The following OXNAD1 variants were observed in gnomAD, a reference collection of about 807,000 sequenced individuals.
OXNAD1 encodes oxidoreductase NAD-binding domain-containing protein 1.
A neutral mutation model predicts 32.9 loss-of-function variants in OXNAD1; 34 were observed. The ratio of observed to expected loss-of-function variants is 1.03; its 90% CI spans 0.79 to 1.38. The LOEUF is 1.38. Among genes scored for constraint, OXNAD1 ranks in the 40% most tolerant of loss-of-function variants. The pLI is 0.00. For synonymous variants in OXNAD1, 134 were observed against 135.2 expected (o/e 0.99, Z 0.06); for missense variants, 407 against 379.4 (o/e 1.07, Z -0.60).
rs1169378380 is a variant in OXNAD1 at position 16,317,778 on chromosome 3, C to T, written c.*30+14186C>T. Among the ~76,000 whole-genome samples, 1 of 152,142 alleles carries T rather than the reference C, an allele frequency of 6.6e-6. No homozygotes were observed. The highest frequency in any genetic ancestry group is 1.5e-5 in the Non-Finnish European group (1 of 68,034). ...GCCCGCTCCCCAGCTAGGCCGATAGCCCTTTGCTGACCACCACCTCACAGA... is the reference window on the plus strand; with the variant it reads ...GCCCGCTCCCCAGCTAGGCCGATAGTCCTTTGCTGACCACCACCTCACAGA... On this transcript the variant is annotated intron_variant, in intron 9 of 9. Coordinates refer to the OXNAD1 transcript ENST00000435829. The surrounding 1 kb of genome is among the most constrained non-coding windows in gnomAD (Gnocchi z 4.3).
At chr3:16,286,885 GAA>G (rs1205660849) in intron 5 of OXNAD1, among the ~76,000 whole-genome samples, 2 of 152,182 alleles carry the variant, frequency 1.3e-5, no homozygotes, top group Non-Finnish European at 2.9e-5. Context: ...ATCCTGAAGA[GAA>G]GAGGAACTAG....
rs146348292 is a variant in OXNAD1, at chr3:16,327,621, C to A, written c.*31-9491C>A. Among the ~76,000 whole-genome samples the A allele has an allele frequency of 0.03, 4,581 of 152,070 alleles. 107 individuals are homozygous for A. Among genetic ancestry groups the A allele is most frequent in the Middle Eastern group, 0.082 (24 of 294 alleles). The stretch of plus-strand genomic sequence containing the variant: ...AAAAATACAAAAAAAATTAGCCAGG[C>A]CTGGTGGCGGGCGCCTGTAGTCCCA... On this transcript the variant is annotated intron_variant, in intron 9 of 9. Transcript: ENST00000435829. The surrounding 1 kb of genome is among the most constrained non-coding windows in gnomAD (Gnocchi z 4.2).
rs894832508 is a variant in OXNAD1 at position 16,342,923 on chromosome 3, T to A, written c.*31-6253T>A. Among the ~76,000 whole-genome samples the A allele has an allele frequency of 5.3e-5, 8 of 152,164 alleles. No homozygotes were observed. The highest frequency in any genetic ancestry group is 1.9e-4 in the African/African-American group (8 of 41,430). On this transcript the variant is annotated intron_variant, in intron 9 of 9. Transcript: ENST00000606098. The surrounding 1 kb of genome is among the most constrained non-coding windows in gnomAD (Gnocchi z 4.0). ...GTCTCGATCTCAGCTCACTGCAGCC[T>A]CAACCTCCCAGGCTCAAGTGAGCCT...
At chr3:16,274,836 T>C (rs2065207772) in intron 4 of OXNAD1, among the ~76,000 whole-genome samples, 1 of 152,218 alleles carries the variant, frequency 6.6e-6, no homozygotes, top group Admixed American at 6.5e-5. Context: ...TTAACTTTAA[T>C]TTGGAAAATT....
intron 9 of OXNAD1, among the ~76,000 whole-genome samples, chr3:16,328,713 G>A (rs1358424486): frequency 2.0e-5 from 3 of 152,188 alleles, no homozygotes; most frequent in African/African-American, 7.2e-5. Context: ...AACTCCGGGA[G>A]TAGGGCCCCG....
chr3:16,319,531 C>T (rs1377012723), intron 9 of OXNAD1, among the ~76,000 whole-genome samples: 1 of 152,176 alleles, frequency 6.6e-6, no homozygotes, highest in Non-Finnish European at 1.5e-5. Context: ...TGCTGTTGTG[C>T]AGTGTACAAC....
rs192676901 is a variant in OXNAD1, at chr3:16,299,306, C to A, written c.433-2320C>A. On this transcript the variant is annotated intron_variant, in intron 6 of 8. Coordinates refer to ENST00000285083, the MANE Select transcript of OXNAD1 (RefSeq NM_138381.5). The surrounding 1 kb of genome is among the most constrained non-coding windows in gnomAD (Gnocchi z 4.4). ...GGCAGAGCCTCTTGTATCTTAAATT[C>A]TATTTTTGAGACTTGAAAGGAAAGA... 6.6e-6 allele frequency among the ~76,000 whole-genome samples: 1 copy of A among 152,174 alleles called. No individual in the cohort carries two copies.
At position 16,345,786 on chromosome 3, in the gene OXNAD1, C is replaced by CTGTGTGTGTGTGTG. The variant is rs1553726059; in HGVS notation, c.*31-3389_*31-3388insGTGTGTGTGTGTGT. Among the ~76,000 whole-genome samples, 1 of 81,554 alleles carries CTGTGTGTGTGTGTG rather than the reference C, an allele frequency of 1.2e-5. No homozygotes were observed. Among genetic ancestry groups the CTGTGTGTGTGTGTG allele is most frequent in the African/African-American group, 5.4e-5 (1 of 18,506 alleles). The allele number at this position is 81,554 out of a possible 152,430, so 53.5% of individuals were successfully genotyped here. ...CATGAGCCAAAACCTTATAATAAATCTCTGTGTGTGTGTGTGTGTGTGTGT... is the reference window on the plus strand; with the variant it reads ...CATGAGCCAAAACCTTATAATAAATCTGTGTGTGTGTGTGTCTGTGTGTGTGTGTGTGTGTGTGT... On this transcript the variant is annotated intron_variant, in intron 9 of 9. Coordinates refer to the OXNAD1 transcript ENST00000606098. This position sits in a 1 kb window ranked among gnomAD's most constrained non-coding sequence, Gnocchi z 5.2.
rs1261465367 is a variant in OXNAD1 at position 16,277,373 on chromosome 3, T to A, written c.183+5651T>A. ...ACTTGCCCCAATCTCCAGAGGGTGC[T>A]CCTAGCCATAGAGTAGGGGCTGGAC... On this transcript the variant is annotated intron_variant, in intron 4 of 8. Transcript: ENST00000285083. This position sits in a 1 kb window ranked among gnomAD's most constrained non-coding sequence, Gnocchi z 4.3. Among the ~76,000 whole-genome samples, 1 of 152,194 alleles carries A rather than the reference T, an allele frequency of 6.6e-6. No individual in the cohort carries two copies. Among genetic ancestry groups the A allele is most frequent in the African/African-American group, 2.4e-5 (1 of 41,442 alleles).
Position 16,317,339 on chromosome 3 carries a change from C to G in OXNAD1, c.*30+13747C>G, listed in dbSNP as rs745483963. On this transcript the variant is annotated intron_variant, in intron 9 of 9. Coordinates refer to the OXNAD1 transcript ENST00000435829. The surrounding 1 kb of genome is among the most constrained non-coding windows in gnomAD (Gnocchi z 4.3). The stretch of plus-strand genomic sequence containing the variant: ...CCACACCATGTCTGAGTGAGACATA[C>G]AATTCCCAGCATCCCCCAGCCAGGC... The G allele has an allele frequency of 9.4e-6, 11 of 1,168,028 alleles. No homozygotes were observed. The East Asian group carries it at 2.7e-4, about 29-fold the overall frequency. 72.4% of individuals were successfully genotyped at this position (1,168,028 alleles called of 1,614,324 possible). A position where few individuals can be genotyped will look rare whatever the true frequency, so the allele number is the denominator to read the frequency against.
intron 4 of OXNAD1, chr3:16,275,950 C>G (rs1330094168): frequency 5.2e-5 from 8 of 152,740 alleles, no homozygotes; most frequent in African/African-American, 1.9e-4. Context: ...GTGTGAAAAG[C>G]ACCTATATCC....
At position 16,331,910 on chromosome 3, in the gene OXNAD1, G is replaced by A. The variant is rs144772637; in HGVS notation, c.*31-5202G>A. Among the ~76,000 whole-genome samples, 125 of 152,312 alleles carry A rather than the reference G, an allele frequency of 8.2e-4. 3 individuals carry two copies. In the East Asian group the frequency reaches 0.022, roughly 27 times the overall value. On this transcript the variant is annotated intron_variant, in intron 9 of 9. Coordinates refer to the OXNAD1 transcript ENST00000435829. ...AGGTACAGACGTCTGGGCTGAAATT[G>A]ATTTATCCGTCAAAATTTTGAAAGT...
At chr3:16,276,925 C>CT (rs201229589) in intron 4 of OXNAD1, among the ~76,000 whole-genome samples, 342 of 133,896 alleles carry the variant, frequency 2.6e-3, no homozygotes, top group East Asian at 7.4e-3. Flanking sequence ...TTCTTTCTTT[C>CT]TTTTTTTTTT....
chr3:16,300,362 C>T (rs1481913433), intron 6 of OXNAD1, among the ~76,000 whole-genome samples: 3 of 152,192 alleles, frequency 2.0e-5, no homozygotes, highest in Non-Finnish European at 4.4e-5. Context: ...AACATAGAAT[C>T]ACCGTGAATA....
chr3:16,271,802 T>C lies in OXNAD1; in HGVS notation c.183+80T>C. ...TATGACTGGCTTATGGGTAAAGCAT[T>C]AGATGAGTCTGGTCCTTTTGAAGGA... is the stretch of plus-strand genomic sequence containing the variant. On this transcript the variant is annotated intron_variant, in intron 4 of 8. Transcript: ENST00000285083. The surrounding 1 kb of genome is among the most constrained non-coding windows in gnomAD (Gnocchi z 4.6). The C allele has an allele frequency of 8.3e-7, 1 of 1,206,634 alleles. No individual in the cohort carries two copies. Among genetic ancestry groups the C allele is most frequent in the Non-Finnish European group, 1.2e-6 (1 of 850,512 alleles). 74.7% of individuals were successfully genotyped at this position (1,206,634 alleles called of 1,614,324 possible).
rs369161861 is a variant in OXNAD1 at position 16,326,915 on chromosome 3, C to T, written c.*31-10197C>T. The T allele has an allele frequency of 4.7e-4, 706 of 1,507,592 alleles. 1 individual carries two copies. Among genetic ancestry groups the T allele is most frequent in the Non-Finnish European group, 6.2e-4 (676 of 1,091,062 alleles). 93.4% of individuals were successfully genotyped at this position (1,507,592 alleles called of 1,614,324 possible). A position where few individuals can be genotyped will look rare whatever the true frequency, so the allele number is the denominator to read the frequency against. ...GCCAGCATTAGGGCTGCTGCTGCCA[C>T]AAGCCAACTCCCAGGCAATGAGAGG... On this transcript the variant is annotated intron_variant, in intron 9 of 9. Transcript: ENST00000435829.
intron 9 of OXNAD1, among the ~76,000 whole-genome samples, chr3:16,328,618 GC>G (rs1194060835): frequency 2.0e-5 from 3 of 152,176 alleles, no homozygotes; most frequent in Non-Finnish European, 4.4e-5. Context: ...CCAAAGCATG[GC>G]CCGAGCCGGC....
At chr3:16,307,454 T>C (rs2067640918), downstream of OXNAD1, among the ~76,000 whole-genome samples, 1 of 152,180 alleles carries the variant, frequency 6.6e-6, no homozygotes, top group South Asian at 2.1e-4. Context: ...TGTGTCATGC[T>C]GCTAATAGGA....
intron 6 of OXNAD1, 70 bp downstream of exon 6, chr3:16,295,067 C>T: frequency 6.8e-7 from 1 of 1,474,030 alleles, no homozygotes; most frequent in Non-Finnish European, 9.1e-7. Context: ...GTGTTAAGCT[C>T]ATTTGATTCA....
Sources: gnomAD v4.1 joint callset for allele counts (sites outside exome capture counted in the v4.1 genomes callset) on GRCh38, gnomAD v4.1.1 for gene constraint, Gnocchi (gnomAD v3.1) non-coding constraint, MANE v1.5 for transcripts, NCBI Gene and HGNC (gene_info 2026-07-23, HGNC 2026-07-21) for gene names.